Variants in ROBO2 observed in about 807,000 individuals in gnomAD.
ROBO2 encodes roundabout guidance receptor 2.
A neutral mutation model predicts 160.8 loss-of-function variants in ROBO2; 53 were observed. The observed-to-expected ratio is 0.33, with a 90% CI of 0.26 to 0.41. The LOEUF is 0.41. ROBO2 is among the 10% of genes least tolerant of loss of function. The pLI, the probability that ROBO2 is intolerant of heterozygous loss-of-function variation, is 1.00. For synonymous variants in ROBO2, 664 were observed against 611.7 expected, an observed-to-expected ratio of 1.09 and a Z score of -1.26; for missense variants, 1,577 against 1,722.4, an observed-to-expected ratio of 0.92 and a Z score of 1.49.
At chr3:77,046,303 C>G (rs1012184437) in intron 1 of ROBO2, among the ~76,000 whole-genome samples, 1 of 152,160 alleles carries the variant, frequency 6.6e-6, no homozygotes, top group East Asian at 1.9e-4. Context: ...TGAAGTGAAA[C>G]AATTTTATAT....
intron 2 of ROBO2, among the ~76,000 whole-genome samples, chr3:76,179,963 CTA>C (rs1278394863): frequency 3.3e-5 from 5 of 152,084 alleles, no homozygotes; most frequent in African/African-American, 1.2e-4. Flanking sequence ...CCTGATTTAG[CTA>C]TGATAAAAAT....
intron 2 of ROBO2, among the ~76,000 whole-genome samples, chr3:75,990,979 C>T (rs1365208005): frequency 6.6e-6 from 1 of 152,224 alleles, no homozygotes; most frequent in East Asian, 1.9e-4. Flanking sequence ...TGTGAATTTG[C>T]TCTAACTGGG....
intron 2 of ROBO2, among the ~76,000 whole-genome samples, chr3:75,988,399 T>C (rs1032338552): frequency 6.6e-6 from 1 of 152,116 alleles, no homozygotes; most frequent in Non-Finnish European, 1.5e-5. Flanking sequence ...GTGATTTTGG[T>C]GATTTGAGCC....
intron 24 of ROBO2, among the ~76,000 whole-genome samples, chr3:77,639,724 TTGAA>T (rs1488191856): frequency 1.3e-5 from 2 of 152,108 alleles, no homozygotes; most frequent in African/African-American, 4.8e-5. Context: ...GGCTCTTACT[TTGAA>T]TGGTAAACCA....
chr3:76,057,946 T>G (rs1053848965), intron 2 of ROBO2, among the ~76,000 whole-genome samples: 15 of 152,178 alleles, frequency 9.9e-5, no homozygotes, highest in African/African-American at 3.6e-4. Flanking sequence ...AAAAATACAG[T>G]ACAATAAATC....
chr3:77,252,478 G>C (rs1450088961), intron 2 of ROBO2, among the ~76,000 whole-genome samples: 2 of 151,988 alleles, frequency 1.3e-5, no homozygotes, highest in Admixed American at 6.6e-5. Flanking sequence ...AATGACACTT[G>C]ATGCATTTGA....
At chr3:76,301,229 G>A (rs1709339946) in intron 2 of ROBO2, among the ~76,000 whole-genome samples, 1 of 152,036 alleles carries the variant, frequency 6.6e-6, no homozygotes, top group Non-Finnish European at 1.5e-5. Context: ...GGTGATTTTA[G>A]GGATGACACT....
chr3:76,914,498 A>G (rs2076191070), intron 2 of ROBO2, among the ~76,000 whole-genome samples: 1 of 151,942 alleles, frequency 6.6e-6, no homozygotes, highest in African/African-American at 2.4e-5. Context: ...ACCTATATCT[A>G]CTGCTGAATC....
At chr3:77,040,218 G>A (rs1559883470) in exon 1 of ROBO2, 4 of 986,568 alleles carry the variant, frequency 4.1e-6, no homozygotes, top group Middle Eastern at 5.2e-4. Context: ...AAGTCTGCCC[G>A]CCTGCAAAGT....
At chr3:76,127,894 C>CTTTTTTT (rs10691388) in intron 2 of ROBO2, among the ~76,000 whole-genome samples, 25 of 117,586 alleles carry the variant, frequency 2.1e-4, no homozygotes, top group Non-Finnish European at 3.4e-4. Context: ...GAAGACATTT[C>CTTTTTTT]TTTTTTTTTT....
At chr3:76,931,550 G>GACACACACACACACACACACACACACAC (rs148001909) in intron 2 of ROBO2, among the ~76,000 whole-genome samples, 19 of 150,606 alleles carry the variant, frequency 1.3e-4, no homozygotes, top group African/African-American at 4.7e-4. Flanking sequence ...TGCTTTATAA[G>GACACACACACACACACACACACACACAC]ACACATACAC....
intron 2 of ROBO2, among the ~76,000 whole-genome samples, chr3:76,624,764 T>G (rs557398258): frequency 8.9e-6 from 1 of 112,326 alleles, no homozygotes; most frequent in African/African-American, 3.4e-5. Context: ...CGCTATTCTT[T>G]CCAGCCTGAG....
chr3:75,928,770 CGTGT>C (rs749009879), intron 1 of ROBO2, among the ~76,000 whole-genome samples: 1 of 151,002 alleles, frequency 6.6e-6, no homozygotes, highest in African/African-American at 2.4e-5. Flanking sequence ...CTGGTTAAGA[CGTGT>C]GTGTGTGTGT....
At chr3:77,531,210 C>T (rs1280646248) in intron 6 of ROBO2, among the ~76,000 whole-genome samples, 1 of 152,078 alleles carries the variant, frequency 6.6e-6, no homozygotes, top group South Asian at 2.1e-4. Context: ...CAATTCACAA[C>T]TTGATGGAAA....
intron 2 of ROBO2, among the ~76,000 whole-genome samples, chr3:77,220,797 C>T (rs560194572): frequency 2.1e-3 from 314 of 152,034 alleles, no homozygotes; most frequent in African/African-American, 6.2e-3. Context: ...TTCAGTCCTA[C>T]GCAGCAAAGT....
chr3:77,586,539 A>G (rs531542821), intron 16 of ROBO2, among the ~76,000 whole-genome samples: 2 of 152,198 alleles, frequency 1.3e-5, no homozygotes, highest in East Asian at 3.9e-4. Flanking sequence ...CAGGTCACAC[A>G]CATCCCTTGT....
At chr3:77,166,888 A>T (rs945196897) in intron 2 of ROBO2, among the ~76,000 whole-genome samples, 2 of 152,194 alleles carry the variant, frequency 1.3e-5, no homozygotes, top group African/African-American at 4.8e-5. Context: ...AGTCCAGGCC[A>T]ATTGTTTCAT....
At chr3:76,525,064 T>A (rs1434701537) in intron 2 of ROBO2, among the ~76,000 whole-genome samples, 1 of 151,618 alleles carries the variant, frequency 6.6e-6, no homozygotes, top group Non-Finnish European at 1.5e-5. Flanking sequence ...GTTGTTTTGC[T>A]TTTATAGGTT....
At chr3:77,334,279 TG>T (rs200966023) in intron 2 of ROBO2, among the ~76,000 whole-genome samples, 1,671 of 152,276 alleles carry the variant, frequency 0.011, 12 homozygotes, top group Middle Eastern at 0.02. Flanking sequence ...ACATCAGTCG[TG>T]TAAATCTGCC....
Sources: gnomAD v4.1 joint callset for allele counts (sites outside exome capture counted in the v4.1 genomes callset) on GRCh38, gnomAD v4.1.1 for gene constraint, MANE v1.5 for transcripts, NCBI Gene and HGNC (gene_info 2026-07-23, HGNC 2026-07-21) for gene names.